DPYD: variants seen among roughly 807,000 people sequenced by gnomAD.
DPYD encodes dihydropyrimidine dehydrogenase, also known as dihydropyrimidine dehydrogenase [NADP(+)].
DPYD carries 109 observed loss-of-function variants against 116.2 expected under a neutral mutation model. The observed-to-expected ratio is 0.94, with a 90% CI of 0.80 to 1.10. DPYD has a LOEUF of 1.10. Among genes scored for constraint, DPYD ranks in the 50% least tolerant of loss-of-function variants. The pLI is 0.00. For missense variants in DPYD, 1,302 were observed against 1,254.5 expected, an observed-to-expected ratio of 1.04 and a Z score of -0.57; for synonymous variants, 440 against 432.0, an observed-to-expected ratio of 1.02 and a Z score of -0.23.
intron 3 of DPYD, among the ~76,000 whole-genome samples, chr1:97,818,241 A>C (rs1372407163): frequency 2.0e-5 from 3 of 152,038 alleles, no homozygotes; most frequent in Non-Finnish European, 4.4e-5. Flanking sequence ...TTCTGCAAAT[A>C]CTATGTTTGA....
In DPYD at chr1:97,590,013, C is replaced by G. The variant is rs139859886; in HGVS notation, c.1128+3205G>C. ...GCTAAAAATTATGTGCTAGACCTAA[C>G]CTTTCAAAACCTGTATCTTAAAGTA... On this transcript the variant is annotated intron_variant, in intron 10 of 22. Transcript: ENST00000370192. Among the ~76,000 whole-genome samples, 1,103 of 152,240 alleles carry G rather than the reference C, an allele frequency of 7.2e-3. 22 individuals are homozygous for G. The highest frequency in any genetic ancestry group is 5.2e-3 in the Non-Finnish European group (353 of 68,008).
chr1:97,279,861 A>C (rs1446649277), intron 18 of DPYD: 1 of 152,204 alleles, frequency 6.6e-6, no homozygotes, highest in Admixed American at 6.5e-5. Flanking sequence ...GGAAGGCTGT[A>C]ATTGAGACAG....
intron 20 of DPYD, among the ~76,000 whole-genome samples, chr1:97,153,358 CTA>C (rs1655175437): frequency 6.6e-6 from 1 of 152,052 alleles, no homozygotes; most frequent in South Asian, 2.1e-4. Flanking sequence ...AGGTCTGGCT[CTA>C]TAGCCCCAGG....
intron 16 of DPYD, among the ~76,000 whole-genome samples, chr1:97,316,939 G>T (rs1042902296): frequency 1.3e-5 from 2 of 151,024 alleles, no homozygotes; most frequent in African/African-American, 4.9e-5. Flanking sequence ...ATTTTATCAT[G>T]TTTTTTTTGT....
intron 20 of DPYD, among the ~76,000 whole-genome samples, chr1:97,175,903 A>G (rs1326627940): frequency 6.6e-6 from 1 of 152,198 alleles, no homozygotes; most frequent in Non-Finnish European, 1.5e-5. Flanking sequence ...CAACAGCTGA[A>G]TATTCTATAT....
chr1:97,483,840 G>A (rs760270675), intron 13 of DPYD, among the ~76,000 whole-genome samples: 29 of 151,518 alleles, frequency 1.9e-4, no homozygotes, highest in Non-Finnish European at 3.4e-4. Context: ...TCACCAGAGC[G>A]GATGGTGATT....
intron 18 of DPYD, among the ~76,000 whole-genome samples, chr1:97,238,249 A>G (rs1178097377): frequency 6.6e-6 from 1 of 152,174 alleles, no homozygotes; most frequent in East Asian, 1.9e-4. Flanking sequence ...CTCTGAGGAA[A>G]TGAGATCCAA....
chr1:97,229,180 G>C (rs1281681655), intron 19 of DPYD, among the ~76,000 whole-genome samples: 1 of 143,546 alleles, frequency 7.0e-6, no homozygotes, highest in African/African-American at 2.6e-5. Flanking sequence ...CTCCAGCCTG[G>C]GCAACAGTGC....
chr1:97,761,766 C>T (rs1014153648), intron 3 of DPYD, among the ~76,000 whole-genome samples: 1 of 151,878 alleles, frequency 6.6e-6, no homozygotes, highest in African/African-American at 2.4e-5. Context: ...TAACCACCAA[C>T]ACTACACTGG....
intron 13 of DPYD, among the ~76,000 whole-genome samples, chr1:97,454,815 A>T (rs1488522790): frequency 6.6e-6 from 1 of 151,934 alleles, no homozygotes; most frequent in Non-Finnish European, 1.5e-5. Flanking sequence ...AATGGCCACA[A>T]TGAACACAAA....
chr1:97,205,308 A>T (rs1023439825), intron 19 of DPYD, among the ~76,000 whole-genome samples: 2 of 151,676 alleles, frequency 1.3e-5, no homozygotes, highest in South Asian at 2.1e-4. Context: ...TGCTGTACGT[A>T]TTCATCCCCC....
intron 20 of DPYD, 31 bp from the exon 21 acceptor site, chr1:97,098,663 T>A (rs1474262690): frequency 5.0e-6 from 8 of 1,611,650 alleles, no homozygotes; most frequent in Non-Finnish European, 6.8e-6. Context: ...TAAGGAAGCA[T>A]GTTAGCTCAG....
At chr1:97,389,891 G>A (rs1672597251) in intron 14 of DPYD, among the ~76,000 whole-genome samples, 1 of 149,824 alleles carries the variant, frequency 6.7e-6, no homozygotes, top group African/African-American at 2.4e-5. Context: ...GTGCTATATG[G>A]CTTCCATTGT....
chr1:97,129,361 C>T (rs966052598), intron 20 of DPYD, among the ~76,000 whole-genome samples: 6 of 151,806 alleles, frequency 4.0e-5, no homozygotes, highest in Admixed American at 6.6e-5. Context: ...CCACCACACC[C>T]GGTCCTGCTG....
chr1:97,673,534 C>T (rs550369088), intron 8 of DPYD, among the ~76,000 whole-genome samples: 3 of 152,000 alleles, frequency 2.0e-5, no homozygotes, highest in African/African-American at 7.3e-5. Context: ...TACTATGTAC[C>T]CGCCACTTTG....
At chr1:97,860,017 C>A (rs917636058) in intron 2 of DPYD, among the ~76,000 whole-genome samples, 2 of 151,846 alleles carry the variant, frequency 1.3e-5, no homozygotes, top group Non-Finnish European at 2.9e-5. Context: ...AAACGAGATA[C>A]CTCAGATTTT....
At chr1:97,220,557 C>G (rs1177631393) in intron 19 of DPYD, among the ~76,000 whole-genome samples, 3 of 152,162 alleles carry the variant, frequency 2.0e-5, no homozygotes, top group African/African-American at 7.2e-5. Context: ...ATCCTTGATG[C>G]TTGAGCTCTG....
intron 13 of DPYD, among the ~76,000 whole-genome samples, chr1:97,511,891 T>C (rs183848356): frequency 6.6e-6 from 1 of 152,076 alleles, no homozygotes; most frequent in Non-Finnish European, 1.5e-5. Context: ...AATCTAAGTC[T>C]TAAACCACAA....
chr1:97,577,800 T>C (rs767846320), intron 10 of DPYD, among the ~76,000 whole-genome samples: 3 of 152,066 alleles, frequency 2.0e-5, no homozygotes, highest in Admixed American at 6.6e-5. Flanking sequence ...GTTATAAGTA[T>C]TGTCTTATTA....
Sources: gnomAD v4.1 joint callset for allele counts (sites outside exome capture counted in the v4.1 genomes callset) on GRCh38, gnomAD v4.1.1 for gene constraint, MANE v1.5 for transcripts, NCBI Gene and HGNC (gene_info 2026-07-23, HGNC 2026-07-21) for gene names.